The following CYB5R4 variants were observed in gnomAD, a reference collection of about 807,000 sequenced individuals.
The protein encoded by CYB5R4 is N-terminal cytochrome b5 and cytochrome b5 oxidoreductase domain-containing protein.
CYB5R4 carries 55 observed loss-of-function variants against 70.2 expected under a neutral mutation model. That is an observed-to-expected ratio of 0.78 (90% confidence interval 0.63 to 0.98). The LOEUF is 0.98. Among genes scored for constraint, CYB5R4 ranks in the 50% least tolerant of loss-of-function variants. The pLI, the probability that CYB5R4 is intolerant of heterozygous loss-of-function variation, is 0.00. For missense variants in CYB5R4, 562 were observed against 612.6 expected (o/e 0.92, Z 0.87); for synonymous variants, 197 against 199.5 (o/e 0.99, Z 0.11).
intron 4 of CYB5R4, among the ~76,000 whole-genome samples, chr6:83,910,750 T>C (rs1201414226): frequency 4.6e-5 from 7 of 152,098 alleles, no homozygotes; most frequent in Admixed American, 3.9e-4. Flanking sequence ...AATTGCAGAG[T>C]TGATTAAAAA....
At chr6:83,866,063 A>G (rs756301642) in intron 2 of CYB5R4, among the ~76,000 whole-genome samples, 43 of 152,190 alleles carry the variant, frequency 2.8e-4, no homozygotes, top group Non-Finnish European at 5.0e-4. Flanking sequence ...GTTTTCTGCT[A>G]GATAGGGTGA....
At chr6:83,908,629 T>C (rs1332892615) in intron 3 of CYB5R4, among the ~76,000 whole-genome samples, 1 of 152,182 alleles carries the variant, frequency 6.6e-6, no homozygotes, top group Non-Finnish European at 1.5e-5. Flanking sequence ...CTAGTACTGT[T>C]TGGACCCACT....
intron 10 of CYB5R4, among the ~76,000 whole-genome samples, chr6:83,932,525 G>C (rs1052350821): frequency 2.0e-5 from 3 of 152,160 alleles, no homozygotes; most frequent in African/African-American, 7.2e-5. Flanking sequence ...TTAGACCTGT[G>C]CAAGAGGGTC....
At chr6:83,914,557 A>G (rs2099465192) in intron 5 of CYB5R4, 109 bp downstream of exon 5, 5 of 1,005,218 alleles carry the variant, frequency 5.0e-6, no homozygotes, top group Non-Finnish European at 5.4e-6. Context: ...TTTCTTTTTG[A>G]GATGGAGTAT....
chr6:83,873,691 C>T (rs142850498), intron 2 of CYB5R4, among the ~76,000 whole-genome samples: 338 of 152,230 alleles, frequency 2.2e-3, no homozygotes, highest in Non-Finnish European at 4.2e-3. Flanking sequence ...GTCTGCTATG[C>T]GTGTGCATTA....
Position 83,909,052 on chromosome 6 carries a change from T to A in CYB5R4, c.374T>A (p.Leu125Gln), listed in dbSNP as rs1181241956. 29 of 1,614,024 alleles carry A rather than the reference T, an allele frequency of 1.8e-5. No individual in the cohort carries two copies. The highest frequency in any genetic ancestry group is 2.5e-5 in the Non-Finnish European group (29 of 1,179,896). ...TATGAATCCATGCTGAAAGAATGCC[T>A]GGTTGGCAGAATGGCCATTAAACCT... is the stretch of plus-strand genomic sequence containing the variant. ...VNYESMLKEC[L>Q]VGRMAIKPAV... Residue 125 changes from leucine to glutamine, a missense_variant, in exon 4 of 16, where the codon CTG (leucine) becomes CAG (glutamine). Physicochemically the swap from Leu to Gln is moderately radical, Grantham distance 113. Transcript: ENST00000369681.
chr6:83,929,874 T>G (rs957361081), intron 10 of CYB5R4, among the ~76,000 whole-genome samples: 3 of 151,992 alleles, frequency 2.0e-5, no homozygotes, highest in African/African-American at 7.3e-5. Context: ...AAAAAAAAAT[T>G]GTCTCACAAT....
intron 2 of CYB5R4, among the ~76,000 whole-genome samples, chr6:83,883,296 A>G (rs1277301652): frequency 6.6e-6 from 1 of 152,186 alleles, no homozygotes; most frequent in Non-Finnish European, 1.5e-5. Flanking sequence ...GAATGAAAGA[A>G]TGGGGCAGAA....
chr6:83,878,365 TGAGACA>T (rs2099458909), intron 2 of CYB5R4, among the ~76,000 whole-genome samples: 1 of 152,030 alleles, frequency 6.6e-6, no homozygotes. Flanking sequence ...TTTTTTTTTT[TGAGACA>T]GAGTCCTGCT....
intron 14 of CYB5R4, 60 bp downstream of exon 14, chr6:83,940,661 C>T: frequency 6.6e-7 from 1 of 1,513,470 alleles, no homozygotes; most frequent in Non-Finnish European, 8.8e-7. Context: ...AAGTCTATGC[C>T]TTATCTTCTC....
At chr6:83,889,568 C>T (rs776167616) in intron 2 of CYB5R4, among the ~76,000 whole-genome samples, 2 of 152,166 alleles carry the variant, frequency 1.3e-5, no homozygotes, top group Non-Finnish European at 2.9e-5. Context: ...AAAAAAGTTT[C>T]TTTTCAAATT....
At position 83,940,612 on chromosome 6, in the gene CYB5R4, G is replaced by A; in HGVS notation, c.1346+11G>A. The A allele has an allele frequency of 1.3e-6, 2 of 1,591,060 alleles. No homozygotes were observed. The highest frequency in any genetic ancestry group is 8.5e-7 in the Non-Finnish European group (1 of 1,172,116). On this transcript the variant is annotated intron_variant, in intron 14 of 15. Coordinates refer to ENST00000369681, the MANE Select transcript of CYB5R4 (RefSeq NM_016230.4). The stretch of plus-strand genomic sequence containing the variant: ...ATTTAAAGATAAAAGGTATTAAACT[G>A]ATATTAGCTCTGCGTTTAGTTATTT...
Position 83,859,833 on chromosome 6 carries a change from T to TAGCAAGGCCCCCAG in CYB5R4, c.51_52insAGCAAGGCCCCCAG (p.Val18SerfsTer16). On this transcript the variant is annotated frameshift_variant, in exon 1 of 16. Coordinates refer to ENST00000369681, the MANE Select transcript of CYB5R4 (RefSeq NM_016230.4). LOFTEE classifies it high-confidence loss of function. ...TCCCGGCCCCCAGGTCGCAGCAGCG[T>TAGCAAGGCCCCCAG]GTCGCCTCCGGGGGGCGTAGCAAGG... 6.2e-7 allele frequency: 1 copy of TAGCAAGGCCCCCAG among 1,613,424 alleles called. No homozygotes were observed. The highest frequency in any genetic ancestry group is 8.5e-7 in the Non-Finnish European group (1 of 1,179,852).
At chr6:83,928,627 A>G (rs2099467687) in intron 10 of CYB5R4, among the ~76,000 whole-genome samples, 1 of 152,220 alleles carries the variant, frequency 6.6e-6, no homozygotes, top group Non-Finnish European at 1.5e-5. Context: ...CATATATAGG[A>G]AAGTTCAAAT....
chr6:83,925,534 A>G (rs2099467138), intron 10 of CYB5R4, among the ~76,000 whole-genome samples: 1 of 152,212 alleles, frequency 6.6e-6, no homozygotes, highest in African/African-American at 2.4e-5. Flanking sequence ...GAAGTGCTCT[A>G]CTTGATGATA....
chr6:83,906,508 GTTC>G (rs981493171), intron 3 of CYB5R4, among the ~76,000 whole-genome samples: 2 of 152,210 alleles, frequency 1.3e-5, no homozygotes, highest in Non-Finnish European at 2.9e-5. Context: ...AGGTCAAAGG[GTTC>G]TTCTGTGGCT....
chr6:83,864,064 C>G, intron 1 of CYB5R4, 111 bp from the exon 2 acceptor site: 1 of 1,037,116 alleles, frequency 9.6e-7, no homozygotes, highest in Non-Finnish European at 1.4e-6. Flanking sequence ...TTGACAGCCT[C>G]TTAAAACTGT....
rs745850605 is a variant in CYB5R4 at position 83,859,864 on chromosome 6, G to C, written c.75+7G>C. 2 of 1,609,246 alleles carry C rather than the reference G, an allele frequency of 1.2e-6. No individual in the cohort carries two copies. Among genetic ancestry groups the C allele is most frequent in the East Asian group, 2.2e-5 (1 of 44,654 alleles). ...CTCCGGGGGGCGTAGCAAGGTAAGCGGGTGGCTCCGTGAGTCTCTCCCCTC... is the reference window on the plus strand; with the variant it reads ...CTCCGGGGGGCGTAGCAAGGTAAGCCGGTGGCTCCGTGAGTCTCTCCCCTC... On this transcript the variant is annotated splice_region_variant and intron_variant, in intron 1 of 15. Transcript: ENST00000369681.
intron 13 of CYB5R4, 38 bp from the exon 14 acceptor site, chr6:83,940,473 GTAAT>G: frequency 2.0e-6 from 3 of 1,500,552 alleles, no homozygotes; most frequent in Non-Finnish European, 2.7e-6. Flanking sequence ...TATTTTAAAT[GTAAT>G]TAATTAGTTA....
Sources: gnomAD v4.1 joint callset for allele counts (sites outside exome capture counted in the v4.1 genomes callset) on GRCh38, gnomAD v4.1.1 for gene constraint, MANE v1.5 for transcripts, NCBI Gene and HGNC (gene_info 2026-07-23, HGNC 2026-07-21) for gene names.